Variants in MDFIC2 observed in about 807,000 individuals in gnomAD.
MDFIC2 encodes MyoD family inhibitor domain containing 2, also known as myoD family inhibitor domain-containing protein 2.
At chr3:70,277,680 C>G (rs1477085205) in intron 2 of MDFIC2, among the ~76,000 whole-genome samples, 1 of 152,118 alleles carries the variant, frequency 6.6e-6, no homozygotes, top group East Asian at 1.9e-4. Flanking sequence ...GAGGATCTCA[C>G]CACCTCCCGA....
chr3:70,245,089 T>C (rs531890661), intron 2 of MDFIC2, among the ~76,000 whole-genome samples: 30 of 152,292 alleles, frequency 2.0e-4, no homozygotes, highest in Non-Finnish European at 3.8e-4. Context: ...GGAGAAGTCA[T>C]TACTAGAAAC....
chr3:70,270,526 A>G (rs1701966281), intron 2 of MDFIC2, among the ~76,000 whole-genome samples: 1 of 152,178 alleles, frequency 6.6e-6, no homozygotes, highest in African/African-American at 2.4e-5. Flanking sequence ...AACTTTCTCA[A>G]GTATGTATAT....
Position 70,197,024 on chromosome 3 carries a change from A to G in MDFIC2, c.472T>C (p.Cys158Arg), listed in dbSNP as rs1701188150. 5.0e-6 allele frequency: 2 copies of G among 398,484 alleles called. No individual in the cohort carries two copies. The highest frequency in any genetic ancestry group is 4.1e-5 in the African/African-American group (2 of 48,628). 24.7% of individuals were successfully genotyped at this position (398,484 alleles called of 1,614,324 possible). A position where few individuals can be genotyped will look rare whatever the true frequency, so the allele number is the denominator to read the frequency against. The change falls in exon 4 of 4, where the codon TGC becomes CGC. Residue 158 changes from cysteine to arginine, a missense_variant. Physicochemically the swap from Cys to Arg is radical, Grantham distance 180. Transcript: ENST00000567252. ...DENHSRNDCS[C>R]NCDMDCSLFE... ...AGGCTGCAGTCCATGTCACAATTGC[A>G]GCTGCAATCATTCCGAGAGTGGTTT...
At chr3:70,201,635 C>T (rs1701240417) in intron 3 of MDFIC2, among the ~76,000 whole-genome samples, 1 of 152,156 alleles carries the variant, frequency 6.6e-6, no homozygotes. Context: ...TATTGCAGCA[C>T]TGTAATTTGA....
At chr3:70,245,671 TTATATATATATATATATATATA>T (rs34480688) in intron 2 of MDFIC2, among the ~76,000 whole-genome samples, 47 of 57,242 alleles carry the variant, frequency 8.2e-4, no homozygotes, top group East Asian at 2.8e-3. Flanking sequence ...GCAAACTGCT[TTATATATATATATATATATATA>T]TATATATATA....
intron 2 of MDFIC2, among the ~76,000 whole-genome samples, chr3:70,234,422 G>A (rs2106747272): frequency 6.6e-6 from 1 of 152,214 alleles, no homozygotes; most frequent in East Asian, 1.9e-4. Flanking sequence ...GCTGAGGTAG[G>A]TGGATTTCTT....
chr3:70,271,150 T>C (rs1701972768), intron 2 of MDFIC2, among the ~76,000 whole-genome samples: 1 of 152,150 alleles, frequency 6.6e-6, no homozygotes, highest in Non-Finnish European at 1.5e-5. Context: ...GTTTTTGCCA[T>C]TTAAAAGTAT....
intron 2 of MDFIC2, among the ~76,000 whole-genome samples, chr3:70,280,236 C>T (rs1355009962): frequency 6.6e-6 from 1 of 152,124 alleles, no homozygotes; most frequent in Non-Finnish European, 1.5e-5. Flanking sequence ...CCTCCTCTCC[C>T]TTAAAAAGAT....
At chr3:70,210,048 G>T (rs895924461) in intron 2 of MDFIC2, among the ~76,000 whole-genome samples, 1 of 152,052 alleles carries the variant, frequency 6.6e-6, no homozygotes, top group Non-Finnish European at 1.5e-5. Context: ...ACGTAGTCAG[G>T]CTGCATGTAA....
chr3:70,293,068 A>G (rs1702254288), intron 2 of MDFIC2, among the ~76,000 whole-genome samples: 1 of 147,358 alleles, frequency 6.8e-6, no homozygotes, highest in Non-Finnish European at 1.5e-5. Flanking sequence ...AAAAAAAAAA[A>G]AAAGTAGCAT....
rs1701166921 is a variant in MDFIC2 at position 70,195,448 on chromosome 3, A to C, written c.*1478T>G. On this transcript the variant is annotated 3_prime_UTR_variant, in exon 4 of 4. Coordinates refer to ENST00000567252, the MANE Select transcript of MDFIC2 (RefSeq NM_001364677.1). ...AATGCCTTTTTAGAGGCAGTTTACA[A>C]ATATTTTTAACAGATGAATAGTTTT... 6.6e-6 allele frequency among the ~76,000 whole-genome samples: 1 copy of C among 152,224 alleles called. No homozygotes were observed. Among genetic ancestry groups the C allele is most frequent in the Non-Finnish European group, 1.5e-5 (1 of 68,048 alleles).
At chr3:70,224,255 C>A (rs144029320) in intron 2 of MDFIC2, among the ~76,000 whole-genome samples, 2 of 152,168 alleles carry the variant, frequency 1.3e-5, no homozygotes, top group South Asian at 4.1e-4. Flanking sequence ...TCTACATGCA[C>A]CTGACATGTT....
At chr3:70,271,452 A>C (rs1575611742) in intron 2 of MDFIC2, among the ~76,000 whole-genome samples, 1 of 152,192 alleles carries the variant, frequency 6.6e-6, no homozygotes, top group Non-Finnish European at 1.5e-5. Flanking sequence ...TTTTCAGAGA[A>C]GCCAGAAGTC....
At chr3:70,265,227 C>T (rs1281830910) in intron 2 of MDFIC2, among the ~76,000 whole-genome samples, 1 of 152,016 alleles carries the variant, frequency 6.6e-6, no homozygotes, top group East Asian at 1.9e-4. Context: ...GTAAGTCTCT[C>T]TGGATAAATC....
intron 2 of MDFIC2, among the ~76,000 whole-genome samples, chr3:70,231,802 A>G (rs1301519912): frequency 1.3e-5 from 2 of 152,140 alleles, no homozygotes; most frequent in African/African-American, 4.8e-5. Context: ...TGGCAATGAA[A>G]TTACTTGGAC....
At chr3:70,280,081 C>T (rs550964800) in intron 2 of MDFIC2, among the ~76,000 whole-genome samples, 2 of 152,156 alleles carry the variant, frequency 1.3e-5, no homozygotes, top group Non-Finnish European at 2.9e-5. Flanking sequence ...TGCACTCCCT[C>T]TGGAGCCTCT....
chr3:70,201,900 G>C (rs1292552695), intron 3 of MDFIC2, among the ~76,000 whole-genome samples: 1 of 152,202 alleles, frequency 6.6e-6, no homozygotes, highest in African/African-American at 2.4e-5. Flanking sequence ...GAACCTGCAA[G>C]ATGGGAGGAA....
rs371024158 is a variant in MDFIC2 at position 70,240,131 on chromosome 3, A to C, written c.89-33341T>G. Among the ~76,000 whole-genome samples, 4 of 152,260 alleles carry C rather than the reference A, an allele frequency of 2.6e-5. No homozygotes were observed. In the East Asian group the frequency reaches 5.8e-4, roughly 22 times the overall value. On this transcript the variant is annotated intron_variant, in intron 2 of 3. Coordinates refer to ENST00000567252, the MANE Select transcript of MDFIC2 (RefSeq NM_001364677.1). ...CCAAGATAAGCAAGGACTTAATGTA[A>C]ATTTTTAAAATAAGAGACGTATTTT...
At chr3:70,259,416 T>TA (rs202194435) in intron 2 of MDFIC2, among the ~76,000 whole-genome samples, 362 of 144,220 alleles carry the variant, frequency 2.5e-3, no homozygotes, top group African/African-American at 8.3e-3. Context: ...TATTGACTTT[T>TA]AAAAAAAAAA....
Sources: allele counts gnomAD v4.1 joint callset (sites outside exome capture counted in the v4.1 genomes callset), GRCh38; gene constraint gnomAD v4.1.1; transcripts MANE v1.5; gene names NCBI Gene and HGNC (gene_info 2026-07-23, HGNC 2026-07-21).